Variants in CNTNAP5 observed in about 807,000 individuals in gnomAD.
CNTNAP5 encodes contactin-associated protein-like 5.
In CNTNAP5, 72 loss-of-function variants were observed where a neutral mutation model predicts 150.2. That is an observed-to-expected ratio of 0.48 (90% CI 0.40 to 0.58). The LOEUF is 0.58. CNTNAP5 is among the 20% of genes least tolerant of loss of function. The pLI is 0.00. For synonymous variants in CNTNAP5, 672 were observed against 619.8 expected, an observed-to-expected ratio of 1.08 and a Z score of -1.25; for missense variants, 1,636 against 1,626.2, an observed-to-expected ratio of 1.01 and a Z score of -0.10.
intron 3 of CNTNAP5, among the ~76,000 whole-genome samples, chr2:124,332,680 GT>G (rs1415624055): frequency 1.3e-5 from 2 of 151,734 alleles, no homozygotes; most frequent in Non-Finnish European, 2.9e-5. Context: ...AAAACTTTAA[GT>G]AAACGTAATA....
At chr2:124,884,423 A>G (rs765269964) in intron 21 of CNTNAP5, among the ~76,000 whole-genome samples, 1 of 151,612 alleles carries the variant, frequency 6.6e-6, no homozygotes, top group Non-Finnish European at 1.5e-5. Context: ...ACATTTCCCA[A>G]TTTGCTTTTT....
chr2:124,707,088 AGAAGAAGAAGAG>A lies in CNTNAP5; in HGVS notation c.2078-40117_2078-40106del, dbSNP rs1238724399. Among the ~76,000 whole-genome samples the A allele has an allele frequency of 2.6e-3, 348 of 134,632 alleles. 23 individuals carry two copies. Among genetic ancestry groups the A allele is most frequent in the African/African-American group, 9.3e-3 (312 of 33,588 alleles). The allele number at this position is 134,632 out of a possible 152,430, so 88.3% of individuals were successfully genotyped here. Reference sequence around the variant, plus strand: ...AGGAAGAGGAAGAAGAAGAAGAGGAAGAAGAAGAAGAGGAAGAAGAAGAGGAAGAAGAAGAAA... The same window carrying A: ...AGGAAGAGGAAGAAGAAGAAGAGGAAGAAGAAGAAGAGGAAGAAGAAGAAA... On this transcript the variant is annotated intron_variant, in intron 13 of 23. Transcript: ENST00000682447.
Position 124,510,650 on chromosome 2 carries a change from C to T in CNTNAP5, c.1327+6094C>T, listed in dbSNP as rs142943408. 6.5e-3 allele frequency among the ~76,000 whole-genome samples: 988 copies of T among 151,856 alleles called. 13 individuals are homozygous for T. The highest frequency in any genetic ancestry group is 0.022 in the African/African-American group (919 of 41,398). The stretch of plus-strand genomic sequence containing the variant: ...GATTATCATCTAAGGATGAAGGCTG[C>T]CAAGTGACATGAGGTCTACTTCAGT... On this transcript the variant is annotated intron_variant, in intron 8 of 23. Coordinates refer to ENST00000682447, the MANE Select transcript of CNTNAP5 (RefSeq NM_001367498.1).
chr2:124,617,535 C>T (rs1172572911), intron 12 of CNTNAP5, among the ~76,000 whole-genome samples: 2 of 152,060 alleles, frequency 1.3e-5, no homozygotes, highest in Admixed American at 6.6e-5. Context: ...TCCCATGTGC[C>T]TGTGTGTCCA....
intron 22 of CNTNAP5, among the ~76,000 whole-genome samples, chr2:124,905,700 G>T (rs1678521135): frequency 6.6e-6 from 1 of 152,170 alleles, no homozygotes; most frequent in Non-Finnish European, 1.5e-5. Flanking sequence ...AAGTGCTAGG[G>T]TTGGTCAGGA....
chr2:124,435,779 T>C (rs117665025), intron 5 of CNTNAP5, among the ~76,000 whole-genome samples: 2,050 of 152,308 alleles, frequency 0.013, 85 homozygotes, highest in Admixed American at 0.081. Flanking sequence ...ATATAGGTTT[T>C]TATTTTGAGG....
intron 21 of CNTNAP5, among the ~76,000 whole-genome samples, chr2:124,881,061 G>C (rs1677954880): frequency 6.6e-6 from 1 of 152,110 alleles, no homozygotes; most frequent in African/African-American, 2.4e-5. Context: ...GGAGACAAGG[G>C]AAACAAGAAC....
intron 21 of CNTNAP5, among the ~76,000 whole-genome samples, chr2:124,889,413 C>T (rs1385807990): frequency 6.6e-6 from 1 of 151,916 alleles, no homozygotes; most frequent in African/African-American, 2.4e-5. Context: ...TTTAATCCAC[C>T]TTGAGTTAAT....
chr2:124,647,876 G>A lies in CNTNAP5; in HGVS notation c.1995G>A (p.Leu665=). 6.2e-7 allele frequency: 1 copy of A among 1,613,112 alleles called. No homozygotes were observed. ...ACTACGGGGGCAGCATGGAACAGCT[G>A]GAGGCCGTGATCGACGGCTCTGAGC... is the stretch of plus-strand genomic sequence containing the variant. ...ALDYGGSMEQ[L]EAVIDGSEHC... Residue 665 remains leucine (L), a synonymous_variant, in exon 13 of 24, where the codon CTG becomes CTA. Coordinates refer to ENST00000682447, the MANE Select transcript of CNTNAP5 (RefSeq NM_001367498.1).
Position 124,488,270 on chromosome 2 carries a change from C to T in CNTNAP5, c.1062+13388C>T, listed in dbSNP as rs545691574. Among the ~76,000 whole-genome samples, 215 of 152,184 alleles carry T rather than the reference C, an allele frequency of 1.4e-3. 1 individual carries two copies. Among genetic ancestry groups the T allele is most frequent in the Non-Finnish European group, 2.2e-3 (148 of 68,010 alleles). On this transcript the variant is annotated intron_variant, in intron 7 of 23. Transcript: ENST00000682447. ...TCCTTTTCTTGTTATCAGTATTCTG[C>T]CATGAAAATAACGTGTTGATCATTT...
intron 10 of CNTNAP5, among the ~76,000 whole-genome samples, chr2:124,558,790 T>C (rs1410229035): frequency 6.6e-6 from 1 of 152,158 alleles, no homozygotes; most frequent in African/African-American, 2.4e-5. Context: ...CTGATCTTCC[T>C]GAAGGAAAGC....
chr2:124,605,969 C>G (rs1476965662), intron 11 of CNTNAP5, among the ~76,000 whole-genome samples: 1 of 151,916 alleles, frequency 6.6e-6, no homozygotes, highest in Non-Finnish European at 1.5e-5. Flanking sequence ...TGTCCCCTCC[C>G]ACATTTTTCT....
At chr2:124,155,768 T>G (rs187497372) in intron 1 of CNTNAP5, among the ~76,000 whole-genome samples, 10 of 152,002 alleles carry the variant, frequency 6.6e-5, no homozygotes, top group East Asian at 1.9e-4. Flanking sequence ...TTTTTAGGAG[T>G]GCTGAGCCAT....
chr2:124,284,418 A>G (rs903341089), intron 3 of CNTNAP5, among the ~76,000 whole-genome samples: 3 of 152,040 alleles, frequency 2.0e-5, no homozygotes, highest in South Asian at 2.1e-4. Context: ...TTTGGAAGCT[A>G]TTTGTTCCCA....
chr2:124,239,783 T>C (rs1026564830), intron 2 of CNTNAP5, among the ~76,000 whole-genome samples: 1 of 152,140 alleles, frequency 6.6e-6, no homozygotes, highest in Non-Finnish European at 1.5e-5. Context: ...TAGAATTATT[T>C]TGGATTTTTT....
At chr2:124,341,030 A>T (rs1689602504) in intron 3 of CNTNAP5, among the ~76,000 whole-genome samples, 1 of 151,678 alleles carries the variant, frequency 6.6e-6, no homozygotes, top group South Asian at 2.1e-4. Flanking sequence ...GTGAGCTATG[A>T]CTGTGCCACT....
At chr2:124,493,551 A>G (rs1008246110) in intron 7 of CNTNAP5, among the ~76,000 whole-genome samples, 3 of 152,044 alleles carry the variant, frequency 2.0e-5, no homozygotes, top group Admixed American at 6.6e-5. Context: ...CATGTTGGCC[A>G]GGATGGTCTC....
intron 3 of CNTNAP5, among the ~76,000 whole-genome samples, chr2:124,374,691 A>T (rs778004448): frequency 6.6e-6 from 1 of 152,052 alleles, no homozygotes; most frequent in Admixed American, 6.6e-5. Flanking sequence ...AGTCAGACCA[A>T]CTCTATTAGG....
chr2:124,169,995 A>C (rs1311546654), intron 1 of CNTNAP5, among the ~76,000 whole-genome samples: 1 of 152,222 alleles, frequency 6.6e-6, no homozygotes, highest in East Asian at 1.9e-4. Context: ...GAGTAGCCTC[A>C]GTATAGACTG....
Sources: gnomAD v4.1 joint callset for allele counts (sites outside exome capture counted in the v4.1 genomes callset) on GRCh38, gnomAD v4.1.1 for gene constraint, MANE v1.5 for transcripts, NCBI Gene and HGNC (gene_info 2026-07-23, HGNC 2026-07-21) for gene names.